DAB2: variants seen among roughly 807,000 people sequenced by gnomAD.
The protein encoded by DAB2 is disabled homolog 2.
DAB2 carries 28 observed loss-of-function variants against 71.6 expected under a neutral mutation model. The ratio of observed to expected loss-of-function variants is 0.39; its 90% CI spans 0.29 to 0.54. The LOEUF is 0.54. Among genes scored for constraint, DAB2 ranks in the 20% least tolerant of loss-of-function variants. The probability of loss-of-function intolerance (pLI) is 0.68; values close to 1 mark genes in which losing one functional copy is unlikely to be tolerated. For missense variants in DAB2, 867 were observed against 928.8 expected (o/e 0.93, Z 0.86); for synonymous variants, 345 against 339.7 (o/e 1.02, Z -0.17).
chr5:39,409,692 A>G (rs577351912), intron 1 of DAB2, among the ~76,000 whole-genome samples: 7 of 152,270 alleles, frequency 4.6e-5, no homozygotes, highest in African/African-American at 1.7e-4. Context: ...ACACTCAGCA[A>G]GTTTGGAAGC....
At chr5:39,418,070 C>A (rs1755891524) in intron 1 of DAB2, 1 of 152,104 alleles carries the variant, frequency 6.6e-6, no homozygotes, top group Non-Finnish European at 1.5e-5. Flanking sequence ...GTAAAGGGGG[C>A]AGGGAGCAAC....
Position 39,377,126 on chromosome 5 carries a change from C to G in DAB2, c.1661G>C (p.Gly554Ala), listed in dbSNP as rs540206666. ...TGCAAAGGGTGAAGGCTGGTTCCAA[C>G]CTGAAACAGCTGGACTTGTACCAAA... ...VIFGTSPAVS[G>A]WNQPSPFAAS... Residue 554 changes from glycine to alanine, a missense_variant, in exon 12 of 15, where the codon GGT becomes GCT. Around this residue, in one of 2 missense-constraint regions of DAB2, gnomAD observed 740 missense variants for 734.3 expected, o/e 1.01. Transcript: ENST00000320816. 1.2e-6 allele frequency: 2 copies of G among 1,613,986 alleles called. No homozygotes were observed. The highest frequency in any genetic ancestry group is 1.3e-5 in the African/African-American group (1 of 74,894).
At chr5:39,410,905 A>G (rs895629703) in intron 1 of DAB2, among the ~76,000 whole-genome samples, 1 of 152,178 alleles carries the variant, frequency 6.6e-6, no homozygotes, top group Admixed American at 6.5e-5. Flanking sequence ...TATCATTTAC[A>G]TACCTGCCTA....
chr5:39,373,736 T>C (rs1013682474), intron 14 of DAB2, among the ~76,000 whole-genome samples: 4 of 152,156 alleles, frequency 2.6e-5, no homozygotes, highest in Admixed American at 6.6e-5. Flanking sequence ...TTCATTCAAT[T>C]TAGTCCATAC....
Position 39,381,550 on chromosome 5 carries a change from C to G in DAB2, c.1408G>C (p.Ala470Pro). The G allele has an allele frequency of 6.2e-7, 1 of 1,614,046 alleles. No individual in the cohort carries two copies. The highest frequency in any genetic ancestry group is 1.1e-5 in the South Asian group (1 of 91,076). The stretch of plus-strand genomic sequence containing the variant: ...GCTGTAGGTTGTCCTGTGGGTGACG[C>G]CTGGCCTGAAGGTTCTGAGACGGGA... ...APPVSEPSGQASPTGQPTALQ... is the reference protein window; with the variant it reads ...APPVSEPSGQPSPTGQPTALQ... The change falls in exon 11 of 15, where the codon GCG becomes CCG. Residue 470 changes from alanine to proline, a missense_variant. Physicochemically the swap from Ala to Pro is conservative, Grantham distance 27. This residue lies in a region of DAB2 where 740 missense variants were observed against 734.3 expected (regional missense o/e 1.01). Coordinates refer to ENST00000320816, the MANE Select transcript of DAB2 (RefSeq NM_001343.4).
At chr5:39,406,813 C>T (rs1755618689) in intron 1 of DAB2, among the ~76,000 whole-genome samples, 1 of 152,048 alleles carries the variant, frequency 6.6e-6, no homozygotes, top group South Asian at 2.1e-4. Context: ...TTCTAAAGAA[C>T]GAACAACTTA....
chr5:39,390,589 A>G lies in DAB2; in HGVS notation c.331-14T>C. 2 of 1,594,674 alleles carry G rather than the reference A, an allele frequency of 1.3e-6. No individual in the cohort carries two copies. Among genetic ancestry groups the G allele is most frequent in the Non-Finnish European group, 1.7e-6 (2 of 1,166,168 alleles). ...ATGCTCTATTACCTTAAAAAAGAACATAAAGAGTAATTTATTAAGAAAACT... is the reference window on the plus strand; with the variant it reads ...ATGCTCTATTACCTTAAAAAAGAACGTAAAGAGTAATTTATTAAGAAAACT... On this transcript the variant is annotated splice_polypyrimidine_tract_variant and intron_variant, in intron 4 of 14. Transcript: ENST00000320816.
intron 13 of DAB2, 141 bp downstream of exon 13, chr5:39,375,856 A>G: frequency 5.9e-6 from 4 of 674,142 alleles, no homozygotes; most frequent in Non-Finnish European, 1.0e-5. Flanking sequence ...ACTGCACTCC[A>G]GCCTGGCCGA....
At chr5:39,388,770 A>G in intron 8 of DAB2, 29 bp downstream of exon 8, 2 of 1,589,236 alleles carry the variant, frequency 1.3e-6, no homozygotes, top group South Asian at 2.2e-5. Flanking sequence ...ATAAGTAAGA[A>G]CTGTCAAACG....
At chr5:39,383,784 T>C (rs1439710796) in intron 9 of DAB2, among the ~76,000 whole-genome samples, 1 of 152,238 alleles carries the variant, frequency 6.6e-6, no homozygotes, top group East Asian at 1.9e-4. Context: ...AGAAAATTCA[T>C]CGACTAATAC....
rs1385318968 is a variant in DAB2 at position 39,422,084 on chromosome 5, A to G, written c.-102+2720T>C. Among the ~76,000 whole-genome samples, 1 of 152,114 alleles carries G rather than the reference A, an allele frequency of 6.6e-6. No individual in the cohort carries two copies. Among genetic ancestry groups the G allele is most frequent in the Non-Finnish European group, 1.5e-5 (1 of 68,028 alleles). On this transcript the variant is annotated intron_variant, in intron 1 of 14. Coordinates refer to ENST00000320816, the MANE Select transcript of DAB2 (RefSeq NM_001343.4). The surrounding 1 kb of genome is among the most constrained non-coding windows in gnomAD (Gnocchi z 4.1). ...GACTCTGTCTCAAACAAAACAAAACAAAACAAAACAAAAATCTGTTTCACC... is the reference window on the plus strand; with the variant it reads ...GACTCTGTCTCAAACAAAACAAAACGAAACAAAACAAAAATCTGTTTCACC...
At chr5:39,414,164 G>A (rs1402456792) in intron 1 of DAB2, among the ~76,000 whole-genome samples, 4 of 152,108 alleles carry the variant, frequency 2.6e-5, no homozygotes, top group Non-Finnish European at 5.9e-5. Flanking sequence ...TCCAGCCTGG[G>A]GTTCTTGGAA....
At chr5:39,392,168 G>A (rs946477673) in intron 4 of DAB2, 197 bp downstream of exon 4, 2 of 559,334 alleles carry the variant, frequency 3.6e-6, no homozygotes, top group African/African-American at 3.8e-5. Flanking sequence ...ATTTATTATA[G>A]AACACAAATT....
intron 1 of DAB2, among the ~76,000 whole-genome samples, chr5:39,419,756 G>A (rs1755936473): frequency 6.6e-6 from 1 of 152,218 alleles, no homozygotes; most frequent in African/African-American, 2.4e-5. Flanking sequence ...CCAGCAGAGG[G>A]GAAAAGATTT....
rs747824238 is a variant in DAB2, at chr5:39,383,159, C to T, written c.800G>A (p.Arg267Gln). 2.4e-5 allele frequency: 39 copies of T among 1,613,828 alleles called. No homozygotes were observed. The highest frequency in any genetic ancestry group is 1.8e-4 in the South Asian group (16 of 91,042). ...CAAGAAGGATGCCTGAGGCGTTGGT[C>T]GAGGAAGAGAACAGGAGGTGATGCC... Reference protein sequence around the residue: ...TNGITSCSLPRPTPQASFLPE... With the variant: ...TNGITSCSLPQPTPQASFLPE... Residue 267 changes from arginine (R) to glutamine (Q), a missense_variant, in exon 10 of 15, where the codon CGA becomes CAA. This residue lies in a region of DAB2 where 740 missense variants were observed against 734.3 expected (regional missense o/e 1.01). Coordinates refer to ENST00000320816, the MANE Select transcript of DAB2 (RefSeq NM_001343.4).
chr5:39,406,571 T>C (rs1446804711), intron 1 of DAB2, among the ~76,000 whole-genome samples: 2 of 152,206 alleles, frequency 1.3e-5, no homozygotes, highest in Non-Finnish European at 2.9e-5. Context: ...CCAGGAAGGC[T>C]TGGTATTTCT....
chr5:39,382,852 C>A lies in DAB2; in HGVS notation c.1107G>T (p.Ser369=). 1.9e-6 allele frequency: 3 copies of A among 1,614,082 alleles called. No individual in the cohort carries two copies. Among genetic ancestry groups the A allele is most frequent in the South Asian group, 1.1e-5 (1 of 91,080 alleles). The change falls in exon 10 of 15, where the codon TCG becomes TCT. Residue 369 remains serine (S), a synonymous_variant. Transcript: ENST00000320816. The part of the protein sequence containing the change: ...AQAGPWPFSS[S]QTQPAVRTQN... ...GAGTTCTCACTGCTGGCTGGGTTTG[C>A]GAACTTGAAAAGGGCCATGGGCCTG...
chr5:39,380,300 C>T (rs975930686), intron 11 of DAB2, among the ~76,000 whole-genome samples: 9 of 152,184 alleles, frequency 5.9e-5, no homozygotes, highest in Non-Finnish European at 1.0e-4. Context: ...CTCCTCTGGC[C>T]ACCCTATTCT....
At chr5:39,389,029 G>T in intron 7 of DAB2, 68 bp downstream of exon 7, 2 of 1,479,000 alleles carry the variant, frequency 1.4e-6, no homozygotes, top group Non-Finnish European at 1.9e-6. Flanking sequence ...GAGTGGTTGG[G>T]CAGGTAGAAA....
Sources: allele counts gnomAD v4.1 joint callset (sites outside exome capture counted in the v4.1 genomes callset), GRCh38; gene constraint gnomAD v4.1.1; regional missense constraint gnomAD v4.1.1; non-coding constraint Gnocchi (gnomAD v3.1); transcripts MANE v1.5; gene names NCBI Gene and HGNC (gene_info 2026-07-23, HGNC 2026-07-21).